Variants in KLF12 observed in about 807,000 individuals in gnomAD.
The protein encoded by KLF12 is Krueppel-like factor 12.
Under a neutral mutation model 37.8 loss-of-function variants are expected in KLF12, and 9 were observed. The ratio of observed to expected loss-of-function variants is 0.24; its 90% confidence interval spans 0.14 to 0.42. The LOEUF is 0.42. Ranked by LOEUF, KLF12 falls within the 10% of genes least tolerant of loss-of-function variation. The pLI is 1.00. For synonymous variants in KLF12, 208 were observed against 202.1 expected, an observed-to-expected ratio of 1.03 and a Z score of -0.25; for missense variants, 411 against 516.0, an observed-to-expected ratio of 0.80 and a Z score of 1.97.
intron 1 of KLF12, among the ~76,000 whole-genome samples, chr13:74,117,084 TA>T (rs892734350): frequency 5.3e-5 from 8 of 152,086 alleles, no homozygotes; most frequent in Non-Finnish European, 1.2e-4. Context: ...ATCAGTTTAT[TA>T]AAAAAATAAG....
chr13:74,079,887 C>T (rs984635072), intron 1 of KLF12, among the ~76,000 whole-genome samples: 7 of 152,098 alleles, frequency 4.6e-5, no homozygotes, highest in Non-Finnish European at 7.4e-5. Flanking sequence ...GGATATATAT[C>T]TGAAAGGATT....
At chr13:74,226,570 A>G in the KLF12 span, among the ~76,000 whole-genome samples, 10 of 152,184 alleles carry the variant, frequency 6.6e-5, no homozygotes, top group African/African-American at 2.2e-4. Context: ...ATAGATCATT[A>G]TAGAAGCTAT....
At chr13:73,735,597 C>T (rs977729282) in intron 6 of KLF12, among the ~76,000 whole-genome samples, 1 of 151,856 alleles carries the variant, frequency 6.6e-6, no homozygotes, top group Non-Finnish European at 1.5e-5. Flanking sequence ...GGCCTAAAAA[C>T]AAAAAGGAGT....
At chr13:74,032,469 G>A (rs1053571606) in intron 1 of KLF12, among the ~76,000 whole-genome samples, 2 of 152,100 alleles carry the variant, frequency 1.3e-5, no homozygotes, top group African/African-American at 4.8e-5. Flanking sequence ...TTTCCAAGCT[G>A]CTCATTCTTG....
chr13:73,778,481 TC>T (rs1267260098), intron 5 of KLF12, among the ~76,000 whole-genome samples: 1 of 152,146 alleles, frequency 6.6e-6, no homozygotes, highest in African/African-American at 2.4e-5. Context: ...TGCCTCAGCC[TC>T]CCGAGTAGCT....
chr13:73,959,160 C>CCG (rs1482624035), intron 2 of KLF12, among the ~76,000 whole-genome samples: 1 of 127,722 alleles, frequency 7.8e-6, no homozygotes, highest in African/African-American at 2.8e-5. Flanking sequence ...ACATCTTGCT[C>CCG]CGCATCATGA....
At chr13:74,276,287 A>T in the KLF12 span, among the ~76,000 whole-genome samples, 1 of 151,900 alleles carries the variant, frequency 6.6e-6, no homozygotes, top group African/African-American at 2.4e-5. Flanking sequence ...TAATTTCTAA[A>T]TTTTTTGTAG....
intron 5 of KLF12, chr13:73,801,487 G>A (rs1282337074): frequency 6.6e-6 from 1 of 151,986 alleles, no homozygotes; most frequent in Non-Finnish European, 1.5e-5. Context: ...TTATCACCGA[G>A]TATCTATGTC....
chr13:74,179,257 C>G, the KLF12 span, among the ~76,000 whole-genome samples: 3 of 152,194 alleles, frequency 2.0e-5, no homozygotes, highest in African/African-American at 7.2e-5. Context: ...GGAGCCATTA[C>G]AGCTATGGAG....
chr13:73,965,540 T>C (rs951608376), intron 2 of KLF12, among the ~76,000 whole-genome samples: 2 of 152,124 alleles, frequency 1.3e-5, no homozygotes, highest in African/African-American at 4.8e-5. Context: ...AAGCCAAAGA[T>C]CTTGCGCTTG....
intron 1 of KLF12, among the ~76,000 whole-genome samples, chr13:74,046,478 A>G (rs1356910702): frequency 1.3e-5 from 2 of 152,008 alleles, no homozygotes; most frequent in African/African-American, 4.8e-5. Context: ...CACTTTTTTG[A>G]AAAAGGAAAG....
the KLF12 span, among the ~76,000 whole-genome samples, chr13:74,232,620 CA>C: frequency 1.3e-5 from 2 of 152,088 alleles, no homozygotes; most frequent in South Asian, 2.1e-4. Context: ...ACAGTTTTTA[CA>C]CTCTGAAAAT....
intron 1 of KLF12, among the ~76,000 whole-genome samples, chr13:74,064,291 C>T (rs1873780445): frequency 6.6e-6 from 1 of 152,094 alleles, no homozygotes; most frequent in African/African-American, 2.4e-5. Context: ...TGCATTTTAC[C>T]ATACAATGAT....
At chr13:73,813,728 C>T (rs1167182073) in intron 4 of KLF12, among the ~76,000 whole-genome samples, 2 of 152,110 alleles carry the variant, frequency 1.3e-5, no homozygotes. Flanking sequence ...TTATAGCTCT[C>T]ATAATAAGTT....
rs1233675489 is a variant in KLF12 at position 73,692,081 on chromosome 13, T to C, written c.*3409A>G. ...TTACTCAACTGCTTTTGAAAACAAA[T>C]GTCCTATAGTGTTTTATAGAAACGA... On this transcript the variant is annotated 3_prime_UTR_variant, in exon 8 of 8. Transcript: ENST00000377669. The C allele has an allele frequency of 2.6e-5, 4 of 152,578 alleles. No individual in the cohort carries two copies. Among genetic ancestry groups the C allele is most frequent in the Non-Finnish European group, 4.4e-5 (3 of 68,018 alleles). The allele number at this position is 152,578 out of a possible 1,614,324, so 9.5% of individuals were successfully genotyped here. A position where few individuals can be genotyped will look rare whatever the true frequency, so the allele number is the denominator to read the frequency against.
chr13:74,185,425 AT>A, the KLF12 span, among the ~76,000 whole-genome samples: 2 of 151,984 alleles, frequency 1.3e-5, no homozygotes, highest in African/African-American at 2.4e-5. Flanking sequence ...GGTCATCAAT[AT>A]TTTTTTCCAA....
chr13:73,859,328 G>A (rs1040647485), intron 3 of KLF12, among the ~76,000 whole-genome samples: 5 of 152,134 alleles, frequency 3.3e-5, no homozygotes, highest in South Asian at 2.1e-4. Context: ...TCGGTCTCAC[G>A]GAGGTTGAAG....
At chr13:73,968,729 G>A (rs61093123) in intron 2 of KLF12, among the ~76,000 whole-genome samples, 39 of 152,166 alleles carry the variant, frequency 2.6e-4, no homozygotes, top group Non-Finnish European at 4.9e-4. Context: ...TAATTTATTC[G>A]TCTTTTATTT....
intron 5 of KLF12, among the ~76,000 whole-genome samples, chr13:73,810,628 A>C (rs1259543005): frequency 1.6e-5 from 2 of 124,540 alleles, no homozygotes; most frequent in African/African-American, 6.2e-5. Flanking sequence ...ATTTAAAAGA[A>C]ATGCATATAT....
Sources: gnomAD v4.1 joint callset for allele counts (sites outside exome capture counted in the v4.1 genomes callset) on GRCh38, gnomAD v4.1.1 for gene constraint, MANE v1.5 for transcripts, NCBI Gene and HGNC (gene_info 2026-07-23, HGNC 2026-07-21) for gene names.